Variants in TANC2 observed in about 807,000 individuals in gnomAD.
The protein encoded by TANC2 is protein TANC2.
TANC2 carries 26 observed loss-of-function variants against 210.5 expected under a neutral mutation model. That is an observed-to-expected ratio of 0.12 (90% CI 0.09 to 0.17). The LOEUF (loss-of-function observed/expected upper bound fraction) is 0.17, where lower values mean the gene tolerates loss of function less well. Among genes scored for constraint, TANC2 ranks in the 10% least tolerant of loss-of-function variants. The pLI is 1.00. For synonymous variants in TANC2, 931 were observed against 967.1 expected (o/e 0.96, Z 0.69); for missense variants, 2,129 against 2,608.9 (o/e 0.82, Z 4.01).
chr17:63,419,819 C>T (rs763539073), intron 27 of TANC2, among the ~76,000 whole-genome samples, 180 bp from the exon 28 acceptor site: 20 of 152,156 alleles, frequency 1.3e-4, no homozygotes, highest in Non-Finnish European at 5.9e-5. Context: ...GGGAATCATT[C>T]GGACTCTTCC....
chr17:63,169,002 T>C (rs2040308632), intron 5 of TANC2, among the ~76,000 whole-genome samples: 1 of 152,240 alleles, frequency 6.6e-6, no homozygotes, highest in Non-Finnish European at 1.5e-5. Context: ...TCATTATACA[T>C]GACTGAACAA....
intron 7 of TANC2, among the ~76,000 whole-genome samples, chr17:63,232,939 AACC>A (rs1308877926): frequency 2.0e-5 from 3 of 152,180 alleles, no homozygotes; most frequent in African/African-American, 7.2e-5. Flanking sequence ...TCTGTTCGTA[AACC>A]TCTGGCTGGA....
chr17:63,160,818 T>C (rs544406296), intron 5 of TANC2, among the ~76,000 whole-genome samples: 212 of 152,334 alleles, frequency 1.4e-3, no homozygotes, highest in Admixed American at 2.8e-3. Flanking sequence ...TGAGTATTGC[T>C]TTTGGCTTTT....
At chr17:63,211,876 T>A in intron 7 of TANC2, among the ~76,000 whole-genome samples, 1 of 151,994 alleles carries the variant, frequency 6.6e-6, no homozygotes, top group East Asian at 1.9e-4. Flanking sequence ...TTTGTTGTAG[T>A]TGTTTTGTTT....
chr17:63,064,496 G>T (rs1014934306), intron 2 of TANC2, among the ~76,000 whole-genome samples: 17 of 152,174 alleles, frequency 1.1e-4, no homozygotes, highest in Admixed American at 1.1e-3. Context: ...CAATTATACA[G>T]TCATTTCACT....
intron 5 of TANC2, among the ~76,000 whole-genome samples, chr17:63,190,176 A>T (rs1007684896): frequency 6.6e-6 from 1 of 152,004 alleles, no homozygotes; most frequent in African/African-American, 2.4e-5. Context: ...CTCTACAAAA[A>T]AATTTTTAAA....
intron 9 of TANC2, among the ~76,000 whole-genome samples, chr17:63,287,686 A>T (rs796166339): frequency 6.9e-6 from 1 of 145,232 alleles, no homozygotes; most frequent in South Asian, 2.2e-4. Context: ...TCCTGTATAT[A>T]TTTTTTTTTT....
chr17:63,165,106 G>C (rs1254027767), intron 5 of TANC2, among the ~76,000 whole-genome samples: 2 of 151,756 alleles, frequency 1.3e-5, no homozygotes, highest in African/African-American at 4.8e-5. Flanking sequence ...AACATACCGA[G>C]ACCCACCCCT....
chr17:63,271,200 G>A (rs1013953351), intron 9 of TANC2, among the ~76,000 whole-genome samples: 5 of 152,044 alleles, frequency 3.3e-5, no homozygotes, highest in Non-Finnish European at 5.9e-5. Context: ...TGGATTGAAT[G>A]GCCGTTCTAT....
chr17:63,215,273 A>G (rs2041995175), intron 7 of TANC2, among the ~76,000 whole-genome samples: 1 of 152,230 alleles, frequency 6.6e-6, no homozygotes, highest in Admixed American at 6.5e-5. Flanking sequence ...TAACATATAG[A>G]GGATCTAAAC....
intron 4 of TANC2, among the ~76,000 whole-genome samples, chr17:63,123,744 T>C (rs1277299614): frequency 7.2e-6 from 1 of 139,796 alleles, no homozygotes; most frequent in Admixed American, 7.6e-5. Context: ...TAGAGTCCAG[T>C]GACACTATCT....
At position 63,412,179 on chromosome 17, in the gene TANC2, T is replaced by A; in HGVS notation, c.3898+49T>A. 1.9e-6 allele frequency: 3 copies of A among 1,612,350 alleles called. No individual in the cohort carries two copies. In the South Asian group the frequency reaches 3.3e-5, roughly 18 times the overall value. ...GGCCATCTGTGCCCAGGGGCCAGAC[T>A]GGTCCAGTGGTCTGGCTGCCCTGGG... On this transcript the variant is annotated intron_variant, in intron 23 of 27. Coordinates refer to ENST00000689528, the Ensembl canonical transcript of TANC2. This position sits in a 1 kb window ranked among gnomAD's most constrained non-coding sequence, Gnocchi z 4.2.
chr17:63,388,338 A>T (rs538660975), intron 15 of TANC2, among the ~76,000 whole-genome samples: 1 of 152,292 alleles, frequency 6.6e-6, no homozygotes, highest in South Asian at 2.1e-4. Context: ...AATTTAAGAG[A>T]TTTATTGAAG....
chr17:63,068,794 A>C (rs560022982), intron 2 of TANC2, among the ~76,000 whole-genome samples: 1 of 151,708 alleles, frequency 6.6e-6, no homozygotes, highest in East Asian at 1.9e-4. Context: ...CTAGAGTTAA[A>C]ATGAACGTCC....
At chr17:63,187,019 A>G (rs2041013297) in intron 5 of TANC2, among the ~76,000 whole-genome samples, 1 of 152,236 alleles carries the variant, frequency 6.6e-6, no homozygotes, top group Non-Finnish European at 1.5e-5. Context: ...ATTGGAGTGT[A>G]TTGTGTTATG....
intron 2 of TANC2, among the ~76,000 whole-genome samples, chr17:63,059,767 C>G (rs182726313): frequency 1.6e-4 from 25 of 152,134 alleles, no homozygotes; most frequent in Non-Finnish European, 3.4e-4. Flanking sequence ...TTTGACATGA[C>G]CATAATTGAG....
intron 21 of TANC2, among the ~76,000 whole-genome samples, chr17:63,409,860 G>GT (rs2048635341): frequency 6.6e-6 from 1 of 152,204 alleles, no homozygotes; most frequent in South Asian, 2.1e-4. Flanking sequence ...GAAATGCTTA[G>GT]TTATATATCG....
chr17:63,127,411 A>C (rs1374571439), intron 4 of TANC2, among the ~76,000 whole-genome samples: 1 of 152,188 alleles, frequency 6.6e-6, no homozygotes, highest in African/African-American at 2.4e-5. Context: ...TTTTGAAAAG[A>C]CATTTCTTAT....
At chr17:63,037,753 G>A (rs1473534187) in intron 2 of TANC2, among the ~76,000 whole-genome samples, 1 of 152,150 alleles carries the variant, frequency 6.6e-6, no homozygotes, top group Non-Finnish European at 1.5e-5. Flanking sequence ...GGTGGAGGTT[G>A]CAGTGAGCCA....
Sources: gnomAD v4.1 joint callset for allele counts (sites outside exome capture counted in the v4.1 genomes callset) on GRCh38, gnomAD v4.1.1 for gene constraint, Gnocchi (gnomAD v3.1) non-coding constraint, MANE v1.5 for transcripts, NCBI Gene and HGNC (gene_info 2026-07-23, HGNC 2026-07-21) for gene names.